Variants in ZNF66 observed in about 807,000 individuals in gnomAD.
ZNF66 encodes the protein putative zinc finger protein 66.
ZNF66 carries 32 observed loss-of-function variants against 35.2 expected under a neutral mutation model. That is an observed-to-expected ratio of 0.91 (90% CI 0.69 to 1.22). The LOEUF is 1.22. Ranked by LOEUF, ZNF66 falls within the 50% of genes most tolerant of loss-of-function variation. ZNF66 has a pLI of 0.00. For missense variants in ZNF66, 666 were observed against 543.1 expected, an observed-to-expected ratio of 1.23 and a Z score of -2.25; for synonymous variants, 231 against 181.3, an observed-to-expected ratio of 1.27 and a Z score of -2.20.
chr19:20,789,938 C>T (rs1971320753), intron 1 of ZNF66, among the ~76,000 whole-genome samples: 1 of 152,046 alleles, frequency 6.6e-6, no homozygotes, highest in African/African-American at 2.4e-5. Context: ...GTTTCCTCTC[C>T]TTGTTTGTAC....
chr19:20,809,837 C>G lies in ZNF66; in HGVS notation c.*2515C>G, dbSNP rs1971571498. Among the ~76,000 whole-genome samples, 1 of 151,916 alleles carries G rather than the reference C, an allele frequency of 6.6e-6. No individual in the cohort carries two copies. Among genetic ancestry groups the G allele is most frequent in the Admixed American group, 6.6e-5 (1 of 15,218 alleles). On this transcript the variant is annotated 3_prime_UTR_variant, in exon 4 of 4. Transcript: ENST00000344519. ...TCAAATTCTCACATAACAATATTAG[C>G]TTTAAATGTAAATGGGCTAAATGCT...
intron 1 of ZNF66, among the ~76,000 whole-genome samples, chr19:20,780,142 T>A (rs73543393): frequency 0.023 from 3,496 of 152,108 alleles, 138 homozygotes; most frequent in African/African-American, 0.079. Context: ...GCTGTTTTTT[T>A]AATGAGAAAA....
At position 20,806,581 on chromosome 19, in the gene ZNF66, C is replaced by G; in HGVS notation, c.981C>G (p.His327Gln). 1 of 1,591,932 alleles carries G rather than the reference C, an allele frequency of 6.3e-7. No homozygotes were observed. The highest frequency in any genetic ancestry group is 1.1e-5 in the South Asian group (1 of 90,628). ...GTAAAGCCTTCAACTGGTCCTCACA[C>G]CTTACTACACATAAGAGAATTCATA... Reference protein sequence around the residue: ...ECGKAFNWSSHLTTHKRIHTG... With the variant: ...ECGKAFNWSSQLTTHKRIHTG... Residue 327 changes from histidine (H) to glutamine (Q), a missense_variant, in exon 4 of 4, where the codon CAC becomes CAG. Coordinates refer to ENST00000344519, the MANE Select transcript of ZNF66 (RefSeq NM_001355197.2).
chr19:20,781,199 A>T (rs1971242374), intron 1 of ZNF66, among the ~76,000 whole-genome samples: 1 of 152,114 alleles, frequency 6.6e-6, no homozygotes, highest in South Asian at 2.1e-4. Flanking sequence ...TCTCACCTGC[A>T]TTGCACTCTC....
chr19:20,783,918 G>A (rs1322398231), intron 1 of ZNF66, among the ~76,000 whole-genome samples: 2 of 152,272 alleles, frequency 1.3e-5, no homozygotes, highest in East Asian at 1.9e-4. Flanking sequence ...GTGCAGTGGC[G>A]TGATCTCAGC....
Position 20,806,879 on chromosome 19 carries a change from T to C in ZNF66, c.1279T>C (p.Cys427Arg), listed in dbSNP as rs750279171. 3 of 1,347,666 alleles carry C rather than the reference T, an allele frequency of 2.2e-6. No homozygotes were observed. Among genetic ancestry groups the C allele is most frequent in the African/African-American group, 1.4e-5 (1 of 69,710 alleles). The allele number at this position is 1,347,666 out of a possible 1,614,324, so 83.5% of individuals were successfully genotyped here. Residue 427 changes from cysteine to arginine, a missense_variant, in exon 4 of 4, where the codon TGT becomes CGT. Cys to Arg is a radical substitution (Grantham distance 180). Transcript: ENST00000344519. Reference sequence around the variant, plus strand: ...TCATACTGGAGAGAAACCCTACAAATGTGAAGAATGTGGCAAAGCCTTCAG... The same window carrying C: ...TCATACTGGAGAGAAACCCTACAAACGTGAAGAATGTGGCAAAGCCTTCAG... The part of the protein sequence containing the change: ...RIHTGEKPYK[C>R]EECGKAFSRS...
intron 3 of ZNF66, among the ~76,000 whole-genome samples, chr19:20,805,622 C>T (rs1971494630): frequency 6.6e-6 from 1 of 151,962 alleles, no homozygotes; most frequent in South Asian, 2.1e-4. Context: ...CCTTCATACA[C>T]TTAACTCATT....
rs11878302 is a variant in ZNF66 at position 20,796,137 on chromosome 19, C to T, written c.226+2259C>T. Among the ~76,000 whole-genome samples the T allele has an allele frequency of 2.6e-3, 400 of 152,154 alleles. 4 individuals are homozygous for T. Among genetic ancestry groups the T allele is most frequent in the African/African-American group, 8.8e-3 (367 of 41,500 alleles). On this transcript the variant is annotated intron_variant, in intron 3 of 3. Transcript: ENST00000344519. ...ATCCTGGCCTGAAGCAGTTCTCCAA[C>T]GTTAATGTACCATGTATCTGTCATT...
chr19:20,793,462 A>G (rs10420034), intron 2 of ZNF66, among the ~76,000 whole-genome samples: 14,066 of 150,580 alleles, frequency 0.093, 668 homozygotes, highest in Middle Eastern at 0.11. Flanking sequence ...ATGTGGGACT[A>G]CAGGCACACA....
chr19:20,783,203 T>G (rs971124404), intron 1 of ZNF66, among the ~76,000 whole-genome samples: 3 of 152,196 alleles, frequency 2.0e-5, no homozygotes, highest in African/African-American at 7.2e-5. Context: ...TGCATTGGTC[T>G]TGTGCACTCG....
intron 1 of ZNF66, among the ~76,000 whole-genome samples, chr19:20,784,212 A>G (rs1180025258): frequency 6.6e-6 from 1 of 152,162 alleles, no homozygotes; most frequent in East Asian, 1.9e-4. Flanking sequence ...TTAAATGGTT[A>G]TTTTAATATT....
intron 1 of ZNF66, among the ~76,000 whole-genome samples, chr19:20,777,970 CT>C (rs907388245): frequency 1.3e-5 from 2 of 152,166 alleles, no homozygotes; most frequent in Non-Finnish European, 2.9e-5. Flanking sequence ...ATTAGTTCCT[CT>C]TTTTGCAGGG....
chr19:20,782,011 A>G (rs1971249954), intron 1 of ZNF66, among the ~76,000 whole-genome samples: 1 of 152,138 alleles, frequency 6.6e-6, no homozygotes, highest in Non-Finnish European at 1.5e-5. Context: ...ATATTGGCTT[A>G]CTTTAACCTC....
In ZNF66 at chr19:20,809,483, T is replaced by C. The variant is rs1296529300; in HGVS notation, c.*2161T>C. Among the ~76,000 whole-genome samples the C allele has an allele frequency of 6.6e-6, 1 of 152,190 alleles. No homozygotes were observed. Among genetic ancestry groups the C allele is most frequent in the Non-Finnish European group, 1.5e-5 (1 of 68,038 alleles). ...CCCATCAGACTCACAGCTGACCTCT[T>C]GGCAGAAACTCTATAAGCCAGAAGA... On this transcript the variant is annotated 3_prime_UTR_variant, in exon 4 of 4. Transcript: ENST00000344519.
chr19:20,783,322 A>G (rs1487944993), intron 1 of ZNF66, among the ~76,000 whole-genome samples: 1 of 152,216 alleles, frequency 6.6e-6, no homozygotes, highest in Non-Finnish European at 1.5e-5. Context: ...ACTATTTAAA[A>G]AGTTCCAAAA....
At chr19:20,792,362 A>T in intron 1 of ZNF66, 150 bp from the exon 2 acceptor site, 1 of 681,764 alleles carries the variant, frequency 1.5e-6, no homozygotes, top group Non-Finnish European at 2.3e-6. Context: ...TTTAGAGAAT[A>T]TTTCTGTGTT....
At position 20,808,630 on chromosome 19, in the gene ZNF66, A is replaced by AGG. The variant is rs1971551831; in HGVS notation, c.*1310_*1311dup. Among the ~76,000 whole-genome samples the AGG allele has an allele frequency of 6.6e-6, 1 of 152,208 alleles. No homozygotes were observed. Among genetic ancestry groups the AGG allele is most frequent in the Non-Finnish European group, 1.5e-5 (1 of 68,040 alleles). ...GCAAACTCCAACAGACCTGCAGCTGAGGGTCCTGTCTGTTAGAAGGAAAAC... is the reference window on the plus strand; with the variant it reads ...GCAAACTCCAACAGACCTGCAGCTGAGGGGGTCCTGTCTGTTAGAAGGAAAAC... On this transcript the variant is annotated 3_prime_UTR_variant, in exon 4 of 4. Coordinates refer to ENST00000344519, the MANE Select transcript of ZNF66 (RefSeq NM_001355197.2).
chr19:20,808,490 A>G lies in ZNF66; in HGVS notation c.*1168A>G, dbSNP rs1287920231. ...CACTTCACACGGCTGGGTACTCCTC[A>G]TATAAAACTTCCAGAGGACCGATCA... is the stretch of plus-strand genomic sequence containing the variant. On this transcript the variant is annotated 3_prime_UTR_variant, in exon 4 of 4. Coordinates refer to ENST00000344519, the MANE Select transcript of ZNF66 (RefSeq NM_001355197.2). Among the ~76,000 whole-genome samples, 1 of 152,040 alleles carries G rather than the reference A, an allele frequency of 6.6e-6. No homozygotes were observed. Among genetic ancestry groups the G allele is most frequent in the Admixed American group, 6.6e-5 (1 of 15,244 alleles).
Position 20,806,667 on chromosome 19 carries a change from TTACTAAACATAAAATAATCCA to T in ZNF66, c.1072_1092del (p.Lys358_Thr364del). 6.6e-7 allele frequency: 1 copy of T among 1,510,720 alleles called. No homozygotes were observed. Among genetic ancestry groups the T allele is most frequent in the South Asian group, 1.1e-5 (1 of 88,858 alleles). The allele number at this position is 1,510,720 out of a possible 1,614,324, so 93.6% of individuals were successfully genotyped here. On this transcript the variant is annotated inframe_deletion, in exon 4 of 4. Coordinates refer to ENST00000344519, the MANE Select transcript of ZNF66 (RefSeq NM_001355197.2). ...AAAGGCTTTAAGTACTCCTCTACCC[TTACTAAACATAAAATAATCCA>T]TACTGGAGAGAAACCCTACAAATGT...
Sources: gnomAD v4.1 joint callset for allele counts (sites outside exome capture counted in the v4.1 genomes callset) on GRCh38, gnomAD v4.1.1 for gene constraint, MANE v1.5 for transcripts, NCBI Gene and HGNC (gene_info 2026-07-23, HGNC 2026-07-21) for gene names.